Variants in AKAP6 observed in about 807,000 individuals in gnomAD.
AKAP6 encodes the protein A-kinase anchor protein 6.
AKAP6 carries 58 observed loss-of-function variants against 188.5 expected under a neutral mutation model. The observed-to-expected ratio is 0.31, with a 90% CI of 0.25 to 0.38. The LOEUF is 0.38. Ranked by LOEUF, AKAP6 falls within the 10% of genes least tolerant of loss-of-function variation. The pLI, the probability that AKAP6 is intolerant of heterozygous loss-of-function variation, is 1.00. For missense variants in AKAP6, 2,710 were observed against 2,740.0 expected, an observed-to-expected ratio of 0.99 and a Z score of 0.24; for synonymous variants, 989 against 998.6, an observed-to-expected ratio of 0.99 and a Z score of 0.18.
At chr14:32,647,712 A>T (rs1374904732) in intron 7 of AKAP6, among the ~76,000 whole-genome samples, 2 of 152,120 alleles carry the variant, frequency 1.3e-5, no homozygotes, top group African/African-American at 4.8e-5. Context: ...TTGGCACCAC[A>T]TGAGTGCTAA....
At chr14:32,810,011 G>A (rs1056780709) in intron 12 of AKAP6, among the ~76,000 whole-genome samples, 4 of 152,174 alleles carry the variant, frequency 2.6e-5, no homozygotes, top group African/African-American at 9.7e-5. Context: ...AGCAAGCAAA[G>A]CAGAGATATT....
intron 7 of AKAP6, among the ~76,000 whole-genome samples, chr14:32,606,709 C>G (rs1886140898): frequency 6.6e-6 from 1 of 152,142 alleles, no homozygotes; most frequent in South Asian, 2.1e-4. Flanking sequence ...GCTTTGAACT[C>G]TAGGATTGTG....
chr14:32,603,599 C>T (rs762718943), intron 7 of AKAP6, among the ~76,000 whole-genome samples: 1 of 152,130 alleles, frequency 6.6e-6, no homozygotes, highest in Non-Finnish European at 1.5e-5. Flanking sequence ...TCTTGGAGAA[C>T]CTCTATAATA....
intron 11 of AKAP6, among the ~76,000 whole-genome samples, chr14:32,772,981 A>G (rs2032945194): frequency 6.6e-6 from 1 of 152,230 alleles, no homozygotes; most frequent in Admixed American, 6.5e-5. Context: ...CTGCAGCAAT[A>G]CAAATGCTTC....
intron 7 of AKAP6, among the ~76,000 whole-genome samples, chr14:32,649,733 G>C (rs1031696966): frequency 2.0e-5 from 3 of 152,058 alleles, no homozygotes; most frequent in African/African-American, 7.2e-5. Context: ...ATAATTTATG[G>C]TTAATTTTAT....
At chr14:32,423,416 T>C (rs531472532) in intron 1 of AKAP6, among the ~76,000 whole-genome samples, 3 of 152,232 alleles carry the variant, frequency 2.0e-5, no homozygotes, top group South Asian at 4.1e-4. Context: ...CTGGGCTTAA[T>C]TGATCCCCCA....
chr14:32,498,104 A>T (rs1183602391), intron 2 of AKAP6, among the ~76,000 whole-genome samples: 1 of 152,174 alleles, frequency 6.6e-6, no homozygotes, highest in African/African-American at 2.4e-5. Flanking sequence ...TCCTTCTACA[A>T]TTCCATTTCT....
At position 32,546,918 on chromosome 14, in the gene AKAP6, C is replaced by T. The variant is rs1392067888; in HGVS notation, c.2265C>T (p.Ala755=). The T allele has an allele frequency of 1.2e-6, 2 of 1,613,290 alleles. No individual in the cohort carries two copies. Among genetic ancestry groups the T allele is most frequent in the Non-Finnish European group, 1.7e-6 (2 of 1,179,986 alleles). The part of the protein sequence containing the change: ...SSSEKNESHS[A]TKSALIQKLM... ...CTGAGAAAAATGAGAGCCATTCTGC[C>T]ACTAAATCAGCTTTAATTCAGAAAC... The change falls in exon 4 of 14, where the codon GCC becomes GCT. Residue 755 remains alanine (A), a synonymous_variant. Coordinates refer to ENST00000280979, the MANE Select transcript of AKAP6 (RefSeq NM_004274.5).
intron 7 of AKAP6, among the ~76,000 whole-genome samples, chr14:32,627,184 A>G (rs1171442575): frequency 1.3e-5 from 2 of 152,144 alleles, no homozygotes; most frequent in African/African-American, 2.4e-5. Flanking sequence ...TTCATCTTGT[A>G]TCTGTCCTTA....
At chr14:32,750,039 T>C (rs563629756) in intron 11 of AKAP6, among the ~76,000 whole-genome samples, 76 of 152,226 alleles carry the variant, frequency 5.0e-4, no homozygotes, top group Non-Finnish European at 9.3e-4. Context: ...TTTATTTCCT[T>C]GATTAAGATT....
At chr14:32,543,104 A>C (rs1161577503) in intron 3 of AKAP6, among the ~76,000 whole-genome samples, 1 of 152,184 alleles carries the variant, frequency 6.6e-6, no homozygotes, top group Non-Finnish European at 1.5e-5. Flanking sequence ...AATTGCTTTT[A>C]ATTACAGTCA....
At chr14:32,622,753 G>T (rs72642562) in intron 7 of AKAP6, among the ~76,000 whole-genome samples, 2 of 152,004 alleles carry the variant, frequency 1.3e-5, no homozygotes, top group African/African-American at 2.4e-5. Context: ...CTGTGGCCAC[G>T]AGCTGGGCTA....
intron 1 of AKAP6, among the ~76,000 whole-genome samples, chr14:32,341,390 G>A (rs1886884906): frequency 6.6e-6 from 1 of 152,120 alleles, no homozygotes; most frequent in Admixed American, 6.5e-5. Flanking sequence ...GTCAAAAAAT[G>A]GCCAAATATT....
In AKAP6 at chr14:32,428,657, A is replaced by G. The variant is rs539605749; in HGVS notation, c.-34-4803A>G. 9.9e-4 allele frequency among the ~76,000 whole-genome samples: 151 copies of G among 152,290 alleles called. 1 individual carries two copies. Among genetic ancestry groups the G allele is most frequent in the African/African-American group, 3.6e-3 (148 of 41,568 alleles). On this transcript the variant is annotated intron_variant, in intron 1 of 13. Transcript: ENST00000280979. ...AAGGAGAGAGAGGTGGGAAGCTTTG[A>G]TGGCGATGTAGCTGAACTTTTTTGT...
At chr14:32,641,469 TAAAAA>T (rs35618540) in intron 7 of AKAP6, among the ~76,000 whole-genome samples, 2 of 119,874 alleles carry the variant, frequency 1.7e-5, no homozygotes, top group Admixed American at 8.7e-5. Context: ...GAAACCCTGC[TAAAAA>T]AAAAAAAAAA....
chr14:32,348,770 C>A (rs893492565), intron 1 of AKAP6, among the ~76,000 whole-genome samples: 1 of 152,160 alleles, frequency 6.6e-6, no homozygotes, highest in Non-Finnish European at 1.5e-5. Context: ...CTGATACATG[C>A]TAAACCAGGG....
At chr14:32,744,537 C>T (rs1378276957) in intron 11 of AKAP6, among the ~76,000 whole-genome samples, 22 of 152,044 alleles carry the variant, frequency 1.4e-4, no homozygotes, top group Admixed American at 1.1e-3. Context: ...AGGATGGTCT[C>T]GATCTCCTGA....
chr14:32,738,063 C>G (rs1008176604), intron 11 of AKAP6, among the ~76,000 whole-genome samples: 6 of 151,990 alleles, frequency 3.9e-5, no homozygotes, highest in Non-Finnish European at 7.4e-5. Context: ...AGGTGTGGTC[C>G]TAAGAGCTCT....
At chr14:32,502,045 A>G (rs1252167967) in intron 2 of AKAP6, among the ~76,000 whole-genome samples, 1 of 152,108 alleles carries the variant, frequency 6.6e-6, no homozygotes, top group East Asian at 1.9e-4. Flanking sequence ...CCTCATACTG[A>G]AGCTCCTCAT....
Sources: gnomAD v4.1 joint callset for allele counts (sites outside exome capture counted in the v4.1 genomes callset) on GRCh38, gnomAD v4.1.1 for gene constraint, MANE v1.5 for transcripts, NCBI Gene and HGNC (gene_info 2026-07-23, HGNC 2026-07-21) for gene names.